PKD2L1: variants seen among roughly 807,000 people sequenced by gnomAD.
The protein encoded by PKD2L1 is polycystin 2 like 1, transient receptor potential cation channel.
Under a neutral mutation model 93.0 loss-of-function variants are expected in PKD2L1, and 77 were observed. The observed-to-expected ratio is 0.83, with a 90% CI of 0.69 to 1.00. The LOEUF (loss-of-function observed/expected upper bound fraction) is 1.00. PKD2L1 is among the 50% of genes least tolerant of loss of function. The pLI is 0.00. For synonymous variants in PKD2L1, 390 were observed against 388.0 expected, an observed-to-expected ratio of 1.01 and a Z score of -0.06; for missense variants, 977 against 990.9, an observed-to-expected ratio of 0.99 and a Z score of 0.19.
intron 2 of PKD2L1, among the ~76,000 whole-genome samples, chr10:100,317,280 C>T (rs1849120011): frequency 6.6e-6 from 1 of 152,056 alleles, no homozygotes; most frequent in Non-Finnish European, 1.5e-5. Context: ...TGGCTCATGC[C>T]TATAATCCCA....
At chr10:100,329,635 C>T (rs1849460637) in intron 1 of PKD2L1, among the ~76,000 whole-genome samples, 1 of 152,168 alleles carries the variant, frequency 6.6e-6, no homozygotes, top group Non-Finnish European at 1.5e-5. Flanking sequence ...TCCCACATAC[C>T]TCTCTGGATC....
At chr10:100,294,242 A>G (rs1005782716) in intron 9 of PKD2L1, among the ~76,000 whole-genome samples, 1 of 152,158 alleles carries the variant, frequency 6.6e-6, no homozygotes, top group Non-Finnish European at 1.5e-5. Context: ...AGACGCTTCC[A>G]GGTGCAGCTA....
chr10:100,328,677 C>A (rs1319460382), intron 2 of PKD2L1, among the ~76,000 whole-genome samples: 2 of 151,554 alleles, frequency 1.3e-5, no homozygotes, highest in Non-Finnish European at 2.9e-5. Context: ...TCACTGCAAC[C>A]TCTGCTCCTG....
intron 2 of PKD2L1, among the ~76,000 whole-genome samples, chr10:100,320,817 A>G (rs755702525): frequency 6.6e-5 from 10 of 152,234 alleles, no homozygotes; most frequent in Non-Finnish European, 1.2e-4. Context: ...TAGTGGCATA[A>G]TAAGTTTGTA....
At chr10:100,327,140 G>A (rs1849397488) in intron 2 of PKD2L1, among the ~76,000 whole-genome samples, 1 of 152,154 alleles carries the variant, frequency 6.6e-6, no homozygotes, top group African/African-American at 2.4e-5. Context: ...AGAGGAGGTG[G>A]CTCCATAAGA....
chr10:100,300,298 T>C (rs1320393770), intron 2 of PKD2L1, among the ~76,000 whole-genome samples: 5 of 151,984 alleles, frequency 3.3e-5, no homozygotes, highest in Non-Finnish European at 7.4e-5. Context: ...GGCACAGTCA[T>C]CTCCTGAGAG....
In PKD2L1 at chr10:100,289,029, G is replaced by T; in HGVS notation, c.2278C>A (p.Gln760Lys). ...TCTGGGGTCACAGCTGGGGCTGGCT[G>T]CGGGTGCTTCCAAATAGCTTGTTCC... ...VKEQAIWKHP[Q>K]PAPAVTPDPW... Residue 760 changes from glutamine (Q) to lysine (K), a missense_variant, in exon 15 of 16, where the codon CAG (glutamine) becomes AAG (lysine). Physicochemically the swap from Gln to Lys is moderately conservative, Grantham distance 53. Transcript: ENST00000318222. 6.2e-7 allele frequency: 1 copy of T among 1,613,218 alleles called. No homozygotes were observed. The highest frequency in any genetic ancestry group is 8.5e-7 in the Non-Finnish European group (1 of 1,179,386).
intron 2 of PKD2L1, among the ~76,000 whole-genome samples, chr10:100,314,300 C>A (rs1200498349): frequency 6.6e-6 from 1 of 151,964 alleles, no homozygotes; most frequent in Admixed American, 6.6e-5. Context: ...TAGGCTTGTA[C>A]CCAGAACAGG....
chr10:100,295,249 G>T, intron 7 of PKD2L1, 126 bp from the exon 8 acceptor site: 1 of 705,970 alleles, frequency 1.4e-6, no homozygotes, highest in Non-Finnish European at 2.5e-6. Flanking sequence ...GACACATATT[G>T]AAGAAGGGAG....
chr10:100,309,953 C>T (rs1848895489), intron 2 of PKD2L1, among the ~76,000 whole-genome samples: 1 of 152,150 alleles, frequency 6.6e-6, no homozygotes, highest in Non-Finnish European at 1.5e-5. Flanking sequence ...GTTGGGTTGT[C>T]CTTCATTGTA....
chr10:100,329,121 A>AT (rs1849443060), intron 2 of PKD2L1, 90 bp downstream of exon 2: 3 of 1,271,442 alleles, frequency 2.4e-6, no homozygotes, highest in Admixed American at 3.7e-5. Flanking sequence ...TGCTCGCTCC[A>AT]CAGATGTTGC....
chr10:100,329,854 C>T lies in PKD2L1; in HGVS notation c.235+15G>A, dbSNP rs1288654356. 1.3e-6 allele frequency: 2 copies of T among 1,529,522 alleles called. No individual in the cohort carries two copies. Among genetic ancestry groups the T allele is most frequent in the Non-Finnish European group, 1.8e-6 (2 of 1,110,682 alleles). The allele number at this position is 1,529,522 out of a possible 1,614,324, so 94.7% of individuals were successfully genotyped here. On this transcript the variant is annotated intron_variant, in intron 1 of 15. Coordinates refer to ENST00000318222, the MANE Select transcript of PKD2L1 (RefSeq NM_016112.3). ...GATTCTAATATCCCAGGAGAACTGT[C>T]CCCCTATCTGGTACCTCTGATGCCT...
intron 7 of PKD2L1, among the ~76,000 whole-genome samples, chr10:100,295,428 TAA>T (rs751427378): frequency 2.2e-4 from 16 of 71,208 alleles, no homozygotes; most frequent in Middle Eastern, 8.8e-3. Context: ...CTGGGACCAT[TAA>T]AAAAAAAAAA....
At chr10:100,298,195 G>A (rs150599000) in intron 4 of PKD2L1, among the ~76,000 whole-genome samples, 189 of 152,104 alleles carry the variant, frequency 1.2e-3, no homozygotes, top group African/African-American at 3.7e-3. Flanking sequence ...GCTGCTCCAC[G>A]TATCAATCTC....
Position 100,297,575 on chromosome 10 carries a change from C to A in PKD2L1, c.763G>T (p.Gly255Cys). 7 of 1,613,950 alleles carry A rather than the reference C, an allele frequency of 4.3e-6. No homozygotes were observed. In the East Asian group the frequency reaches 1.6e-4, roughly 36 times the overall value. Residue 255 changes from glycine to cysteine, a missense_variant, in exon 5 of 16, where the codon GGC becomes TGC. Transcript: ENST00000318222. ...GTGAGCCTGCCCCAGTGGGAGAAGC[C>A]CCCCAACTCATCCTGCGAGTGGTAT... ...WTYHSQDELG[G>C]FSHWGRLTSY...
chr10:100,299,693 A>C lies in PKD2L1; in HGVS notation c.375T>G (p.Ser125Arg). 6.2e-7 allele frequency: 1 copy of C among 1,613,714 alleles called. No homozygotes were observed. The highest frequency in any genetic ancestry group is 8.5e-7 in the Non-Finnish European group (1 of 1,179,584). The change falls in exon 3 of 16, where the codon AGT (serine) becomes AGG (arginine). Residue 125 changes from serine to arginine, a missense_variant. Coordinates refer to ENST00000318222, the MANE Select transcript of PKD2L1 (RefSeq NM_016112.3). ...ACATCACTTTGGTGTAGTAATAAGCACTGGAGCTTGTCATTCCATAGGTCA... is the reference window on the plus strand; with the variant it reads ...ACATCACTTTGGTGTAGTAATAAGCCCTGGAGCTTGTCATTCCATAGGTCA... ...CLLTYGMTSS[S>R]AYYYTKVMSE...
At chr10:100,324,168 T>C (rs1388043772) in intron 2 of PKD2L1, among the ~76,000 whole-genome samples, 1 of 152,122 alleles carries the variant, frequency 6.6e-6, no homozygotes, top group Non-Finnish European at 1.5e-5. Flanking sequence ...CACAGCAAAA[T>C]TGAATGAAAG....
chr10:100,297,057 C>A lies in PKD2L1; in HGVS notation c.1108G>T (p.Glu370Ter). The part of the protein sequence containing the change: ...CVFIFYYVVE[E>*]ILELHIHRLR... The stretch of plus-strand genomic sequence containing the variant: ...CGGTGAATGTGGAGCTCCAGGATCT[C>A]TTCCACCACATAGTAGAAGATGAAG... The change falls in exon 6 of 16, where the codon GAG becomes TAG. Residue 370 changes from glutamate (E) to a stop codon, truncating the protein, a stop_gained. Coordinates refer to ENST00000318222, the MANE Select transcript of PKD2L1 (RefSeq NM_016112.3). LOFTEE classifies it high-confidence loss of function. 1 of 1,614,162 alleles carries A rather than the reference C, an allele frequency of 6.2e-7. No homozygotes were observed. Among genetic ancestry groups the A allele is most frequent in the Middle Eastern group, 1.6e-4 (1 of 6,062 alleles).
intron 8 of PKD2L1, 121 bp from the exon 9 acceptor site, chr10:100,294,776 G>T: frequency 6.9e-7 from 1 of 1,438,998 alleles, no homozygotes; most frequent in Non-Finnish European, 9.6e-7. Context: ...AGGGCAGGGT[G>T]CTTAGATTAT....
Sources: allele counts gnomAD v4.1 joint callset (sites outside exome capture counted in the v4.1 genomes callset), GRCh38; gene constraint gnomAD v4.1.1; transcripts MANE v1.5; gene names NCBI Gene and HGNC (gene_info 2026-07-23, HGNC 2026-07-21).